SUSD4: variants seen among roughly 807,000 people sequenced by gnomAD.
SUSD4 encodes sushi domain-containing protein 4.
SUSD4 carries 41 observed loss-of-function variants against 50.5 expected under a neutral mutation model. The observed-to-expected ratio is 0.81, with a 90% CI of 0.63 to 1.05. The LOEUF (loss-of-function observed/expected upper bound fraction) is 1.05. Ranked by LOEUF, SUSD4 falls within the 50% of genes least tolerant of loss-of-function variation. The probability of loss-of-function intolerance (pLI) is 0.00; values close to 1 mark genes in which losing one functional copy is unlikely to be tolerated. For missense variants in SUSD4, 580 were observed against 634.7 expected (o/e 0.91, Z 0.93); for synonymous variants, 257 against 257.3 (o/e 1.00, Z 0.01).
intron 2 of SUSD4, among the ~76,000 whole-genome samples, chr1:223,304,476 G>C (rs1665393209): frequency 6.6e-6 from 1 of 151,978 alleles, no homozygotes; most frequent in Non-Finnish European, 1.5e-5. Flanking sequence ...AAGTGGAACA[G>C]AAAAGAAAAG....
chr1:223,295,839 TAA>T (rs202240339), intron 2 of SUSD4, among the ~76,000 whole-genome samples: 45 of 116,710 alleles, frequency 3.9e-4, no homozygotes, highest in East Asian at 2.3e-3. Flanking sequence ...ACTTAAAGTA[TAA>T]AAAAAAAAAA....
intron 2 of SUSD4, among the ~76,000 whole-genome samples, chr1:223,333,590 T>G (rs1385739827): frequency 2.0e-5 from 3 of 152,180 alleles, no homozygotes; most frequent in African/African-American, 7.2e-5. Flanking sequence ...CGTCTCTGCT[T>G]CTTTAGAAAA....
chr1:223,324,111 T>C (rs1666739814), intron 2 of SUSD4, among the ~76,000 whole-genome samples: 1 of 148,982 alleles, frequency 6.7e-6, no homozygotes, highest in Non-Finnish European at 1.5e-5. Flanking sequence ...AGTTTCAACT[T>C]TCCTCCATCC....
At chr1:223,235,491 C>G (rs1320949099) in intron 5 of SUSD4, among the ~76,000 whole-genome samples, 2 of 152,140 alleles carry the variant, frequency 1.3e-5, no homozygotes, top group African/African-American at 4.8e-5. Context: ...ATTGCCCCCC[C>G]AAATCCTCTG....
At chr1:223,279,267 C>A (rs1395379619) in intron 3 of SUSD4, among the ~76,000 whole-genome samples, 1 of 152,162 alleles carries the variant, frequency 6.6e-6, no homozygotes, top group Admixed American at 6.5e-5. Context: ...GACGATCAAA[C>A]TTCTCCGAGC....
chr1:223,342,676 C>G (rs1667822508), intron 2 of SUSD4, among the ~76,000 whole-genome samples: 1 of 152,182 alleles, frequency 6.6e-6, no homozygotes, highest in Admixed American at 6.5e-5. Flanking sequence ...TCAATAAATA[C>G]TGTTGGTACA....
intron 2 of SUSD4, among the ~76,000 whole-genome samples, chr1:223,336,373 T>C (rs1323468070): frequency 1.2e-4 from 19 of 152,230 alleles, no homozygotes; most frequent in Admixed American, 1.2e-3. Context: ...AGGTAATAGC[T>C]ACAATTTTTA....
chr1:223,248,583 G>A (rs1250306513), intron 5 of SUSD4, among the ~76,000 whole-genome samples: 3 of 152,174 alleles, frequency 2.0e-5, no homozygotes, highest in East Asian at 3.9e-4. Flanking sequence ...TTCCACTTGT[G>A]TTTTGTTGTA....
intron 3 of SUSD4, among the ~76,000 whole-genome samples, chr1:223,282,094 T>G (rs964472811): frequency 1.3e-5 from 2 of 152,158 alleles, no homozygotes; most frequent in Non-Finnish European, 1.5e-5. Context: ...TATCTCAAAA[T>G]AATAAGAGCT....
In SUSD4 at chr1:223,229,291, G is replaced by T. The variant is rs780018229; in HGVS notation, c.822C>A (p.Cys274Ter). The T allele has an allele frequency of 6.2e-7, 1 of 1,613,262 alleles. No homozygotes were observed. Among genetic ancestry groups the T allele is most frequent in the South Asian group, 1.1e-5 (1 of 91,048 alleles). The change falls in exon 6 of 9, where the codon TGC becomes TGA. Residue 274 changes from cysteine to a stop codon, truncating the protein, a stop_gained. Coordinates refer to ENST00000366878, the MANE Select transcript of SUSD4 (RefSeq NM_017982.4). LOFTEE classifies it high-confidence loss of function. This position sits in a 1 kb window ranked among gnomAD's most constrained non-coding sequence, Gnocchi z 4.7. ...CGCTGGTGAGGCTGTAGCCAGGATCGCAGTAAAACTCCACCACAGTTCCGT... is the reference window on the plus strand; with the variant it reads ...CGCTGGTGAGGCTGTAGCCAGGATCTCAGTAAAACTCCACCACAGTTCCGT... ...YNHGTVVEFYCDPGYSLTSDY... is the reference protein window; with the variant it reads ...YNHGTVVEFY
At chr1:223,359,733 T>G (rs1668865635) in intron 2 of SUSD4, among the ~76,000 whole-genome samples, 1 of 152,086 alleles carries the variant, frequency 6.6e-6, no homozygotes, top group Non-Finnish European at 1.5e-5. Context: ...TGAGGCAATA[T>G]TATGATAGAG....
At chr1:223,289,151 G>C (rs143304637) in intron 3 of SUSD4, 18 of 985,424 alleles carry the variant, frequency 1.8e-5, no homozygotes, top group Non-Finnish European at 2.2e-5. Context: ...CCCACGGGGT[G>C]TATTTTCAGT....
intron 2 of SUSD4, among the ~76,000 whole-genome samples, chr1:223,329,140 C>T (rs1046765603): frequency 6.6e-6 from 1 of 152,154 alleles, no homozygotes; most frequent in Admixed American, 6.5e-5. Flanking sequence ...GGGTAATTCT[C>T]ACTTTAATTC....
chr1:223,268,052 C>A (rs1487081434), intron 4 of SUSD4, among the ~76,000 whole-genome samples: 1 of 48,224 alleles, frequency 2.1e-5, no homozygotes, highest in African/African-American at 1.2e-4. Context: ...TACACACACA[C>A]TGTTAAGAGA....
intron 5 of SUSD4, among the ~76,000 whole-genome samples, chr1:223,259,053 G>C (rs200908783): frequency 2.0e-5 from 3 of 152,262 alleles, no homozygotes; most frequent in East Asian, 3.9e-4. Flanking sequence ...CCTGCGTGGA[G>C]AGTGCAATTT....
At chr1:223,295,816 C>G (rs1383898022) in intron 2 of SUSD4, among the ~76,000 whole-genome samples, 1 of 147,744 alleles carries the variant, frequency 6.8e-6, no homozygotes, top group Non-Finnish European at 1.5e-5. Context: ...ACTTTGTGCA[C>G]ATGTACCCTA....
intron 2 of SUSD4, among the ~76,000 whole-genome samples, chr1:223,312,952 T>C (rs1249753569): frequency 1.3e-5 from 2 of 152,244 alleles, no homozygotes; most frequent in South Asian, 2.1e-4. Context: ...TCTGGGGAAA[T>C]AGGCAAGGGG....
chr1:223,360,193 A>C, intron 2 of SUSD4: 1 of 470,860 alleles, frequency 2.1e-6, no homozygotes. Flanking sequence ...AAATGTGCTA[A>C]AGAATTCACC....
chr1:223,272,553 A>G (rs1662990003), intron 3 of SUSD4, among the ~76,000 whole-genome samples: 1 of 152,232 alleles, frequency 6.6e-6, no homozygotes, highest in East Asian at 1.9e-4. Context: ...AAAATGTGCC[A>G]TACATAGGAT....
Sources: gnomAD v4.1 joint callset for allele counts (sites outside exome capture counted in the v4.1 genomes callset) on GRCh38, gnomAD v4.1.1 for gene constraint, Gnocchi (gnomAD v3.1) non-coding constraint, MANE v1.5 for transcripts, NCBI Gene and HGNC (gene_info 2026-07-23, HGNC 2026-07-21) for gene names.